MDGA2: variants seen among roughly 807,000 people sequenced by gnomAD.
MDGA2 encodes the protein MAM domain containing glycosylphosphatidylinositol anchor 2.
In MDGA2, 40 loss-of-function variants were observed where a neutral mutation model predicts 117.8. The observed-to-expected ratio is 0.34, with a 90% CI of 0.26 to 0.44. The LOEUF is 0.44. MDGA2 is among the 20% of genes least tolerant of loss of function. MDGA2 has a pLI of 1.00. For missense variants in MDGA2, 1,123 were observed against 1,250.6 expected, an observed-to-expected ratio of 0.90 and a Z score of 1.54; for synonymous variants, 452 against 439.0, an observed-to-expected ratio of 1.03 and a Z score of -0.37.
At chr14:47,550,303 C>T (rs1271284051) in intron 1 of MDGA2, among the ~76,000 whole-genome samples, 9 of 152,144 alleles carry the variant, frequency 5.9e-5, no homozygotes, top group Non-Finnish European at 2.9e-5. Context: ...ATTTTATTTT[C>T]TTTACTAGTG....
chr14:47,627,908 C>A (rs1351696959), intron 1 of MDGA2, among the ~76,000 whole-genome samples: 1 of 152,206 alleles, frequency 6.6e-6, no homozygotes, highest in Non-Finnish European at 1.5e-5. Flanking sequence ...ACTCCGCACA[C>A]ATCCGAACAT....
intron 1 of MDGA2, among the ~76,000 whole-genome samples, chr14:47,303,095 C>G (rs1358611000): frequency 6.6e-6 from 1 of 152,132 alleles, no homozygotes; most frequent in South Asian, 2.1e-4. Flanking sequence ...CCCTCAAGAA[C>G]TTGTTAAAAA....
At chr14:47,261,255 A>T (rs931924500) in intron 2 of MDGA2, among the ~76,000 whole-genome samples, 5 of 152,114 alleles carry the variant, frequency 3.3e-5, no homozygotes, top group Non-Finnish European at 7.4e-5. Context: ...AACAAAACAA[A>T]ACAAAAAGCC....
chr14:47,466,132 C>A (rs1893598999), intron 1 of MDGA2, among the ~76,000 whole-genome samples: 1 of 151,816 alleles, frequency 6.6e-6, no homozygotes, highest in Non-Finnish European at 1.5e-5. Flanking sequence ...ATCTTATAAG[C>A]ACAAAAAGGG....
At chr14:47,223,015 G>T (rs1199228847) in intron 2 of MDGA2, among the ~76,000 whole-genome samples, 1 of 152,164 alleles carries the variant, frequency 6.6e-6, no homozygotes, top group East Asian at 1.9e-4. Context: ...CAAGGCCTCA[G>T]AATCATGGCA....
intron 6 of MDGA2, among the ~76,000 whole-genome samples, chr14:47,079,396 G>C (rs186176183): frequency 1.3e-5 from 2 of 152,224 alleles, no homozygotes; most frequent in Admixed American, 6.5e-5. Context: ...TTAGATATCA[G>C]AAAAATTCAG....
At chr14:47,067,989 G>A (rs531233199) in intron 6 of MDGA2, among the ~76,000 whole-genome samples, 27 of 152,146 alleles carry the variant, frequency 1.8e-4, no homozygotes, top group African/African-American at 6.5e-4. Flanking sequence ...CATTAATAAT[G>A]CAAGAACAAA....
chr14:46,997,072 C>T, intron 8 of MDGA2: 1 of 230,030 alleles, frequency 4.3e-6, no homozygotes, highest in Non-Finnish European at 8.5e-6. Flanking sequence ...TCTTAAGAAA[C>T]AGCTCCAACA....
chr14:47,545,778 T>G (rs913144408), intron 1 of MDGA2, among the ~76,000 whole-genome samples: 1 of 152,106 alleles, frequency 6.6e-6, no homozygotes, highest in African/African-American at 2.4e-5. Flanking sequence ...TCATGTACAG[T>G]GGTGGGCTAC....
intron 3 of MDGA2, among the ~76,000 whole-genome samples, chr14:47,176,462 A>T (rs1193883897): frequency 6.6e-6 from 1 of 152,174 alleles, no homozygotes; most frequent in Non-Finnish European, 1.5e-5. Context: ...TATATAGATC[A>T]ATGGAACAGA....
chr14:47,511,176 T>C (rs1894632787), intron 1 of MDGA2, among the ~76,000 whole-genome samples: 1 of 152,186 alleles, frequency 6.6e-6, no homozygotes, highest in African/African-American at 2.4e-5. Context: ...AGACCTTCAG[T>C]AAACAAACCT....
At chr14:46,861,833 T>C (rs1179698148) in intron 14 of MDGA2, among the ~76,000 whole-genome samples, 1 of 151,958 alleles carries the variant, frequency 6.6e-6, no homozygotes, top group Non-Finnish European at 1.5e-5. Context: ...AGTTCTTAAG[T>C]TTATAAAAGA....
chr14:46,940,646 C>A (rs1884965463), intron 9 of MDGA2, among the ~76,000 whole-genome samples: 1 of 142,094 alleles, frequency 7.0e-6, no homozygotes, highest in Non-Finnish European at 1.6e-5. Context: ...AAAAGTTGAA[C>A]TTAATAGTTC....
chr14:47,553,713 T>C (rs548122064), intron 1 of MDGA2, among the ~76,000 whole-genome samples: 1 of 147,668 alleles, frequency 6.8e-6, no homozygotes, highest in Admixed American at 7.0e-5. Context: ...TATATATACT[T>C]ATAAAAACAA....
chr14:46,882,030 GA>G lies in MDGA2; in HGVS notation c.2416+13del. ...AATATATAAATAAATAATTTTAAAT[GA>G]AAGGCTACTTACCACTATATTTGAT... is the stretch of plus-strand genomic sequence containing the variant. On this transcript the variant is annotated intron_variant, in intron 11 of 16. Transcript: ENST00000399232. The G allele has an allele frequency of 6.7e-7, 1 of 1,486,148 alleles. No homozygotes were observed. Among genetic ancestry groups the G allele is most frequent in the South Asian group, 1.5e-5 (1 of 66,902 alleles). 92.1% of individuals were successfully genotyped at this position (1,486,148 alleles called of 1,614,324 possible).
chr14:47,168,298 A>C (rs889274602), intron 3 of MDGA2, among the ~76,000 whole-genome samples: 72 of 151,674 alleles, frequency 4.7e-4, no homozygotes, highest in African/African-American at 1.7e-3. Context: ...AAAAAAAAAA[A>C]AAAAAAACCT....
At chr14:47,246,306 C>A (rs8020887) in intron 2 of MDGA2, among the ~76,000 whole-genome samples, 1 of 151,354 alleles carries the variant, frequency 6.6e-6, no homozygotes, top group Non-Finnish European at 1.5e-5. Context: ...TCAGTCCTTC[C>A]CCCGATCCTG....
At chr14:47,493,964 G>A (rs1025145026) in intron 1 of MDGA2, among the ~76,000 whole-genome samples, 3 of 152,076 alleles carry the variant, frequency 2.0e-5, no homozygotes, top group Non-Finnish European at 2.9e-5. Flanking sequence ...TGTTGGAGGA[G>A]GGACCTCGTG....
chr14:46,845,731 G>A, intron 16 of MDGA2, 35 bp downstream of exon 16: 2 of 1,313,594 alleles, frequency 1.5e-6, no homozygotes, highest in Non-Finnish European at 2.2e-6. Flanking sequence ...TTACTTTAAC[G>A]TTACAACAAA....
Sources: allele counts gnomAD v4.1 joint callset (sites outside exome capture counted in the v4.1 genomes callset), GRCh38; gene constraint gnomAD v4.1.1; transcripts MANE v1.5; gene names NCBI Gene and HGNC (gene_info 2026-07-23, HGNC 2026-07-21).